LTBP1: variants seen among roughly 807,000 people sequenced by gnomAD.
LTBP1 encodes latent-transforming growth factor beta-binding protein 1.
LTBP1 carries 129 observed loss-of-function variants against 207.6 expected under a neutral mutation model. The observed-to-expected ratio is 0.62, with a 90% CI of 0.54 to 0.72. LTBP1 has a LOEUF of 0.72. Among genes scored for constraint, LTBP1 ranks in the 30% least tolerant of loss-of-function variants. The probability of loss-of-function intolerance (pLI) is 0.00; values close to 1 mark genes in which losing one functional copy is unlikely to be tolerated. For missense variants in LTBP1, 2,281 were observed against 2,217.2 expected (o/e 1.03, Z -0.58); for synonymous variants, 963 against 833.7 (o/e 1.16, Z -2.67).
chr2:33,019,328 C>CTT (rs58570641), intron 2 of LTBP1, among the ~76,000 whole-genome samples: 4,894 of 87,698 alleles, frequency 0.056, 619 homozygotes, highest in East Asian at 0.17. Context: ...ATGTACACTT[C>CTT]TTTTTTTTTT....
chr2:33,319,049 A>G (rs949731436), intron 24 of LTBP1, among the ~76,000 whole-genome samples: 1 of 152,138 alleles, frequency 6.6e-6, no homozygotes, highest in African/African-American at 2.4e-5. Flanking sequence ...GCAGTGAGCT[A>G]TGGTTGCACC....
At chr2:33,218,607 G>A (rs2090890003) in intron 8 of LTBP1, among the ~76,000 whole-genome samples, 1 of 152,148 alleles carries the variant, frequency 6.6e-6, no homozygotes, top group Non-Finnish European at 1.5e-5. Context: ...ATGTTGGCCA[G>A]GCTGGTCTCC....
intron 3 of LTBP1, among the ~76,000 whole-genome samples, chr2:33,069,913 T>C (rs1255138791): frequency 1.3e-5 from 2 of 152,332 alleles, no homozygotes; most frequent in Non-Finnish European, 2.9e-5. Flanking sequence ...CTGTGGGTAC[T>C]TGGTCTGTTG....
intron 24 of LTBP1, among the ~76,000 whole-genome samples, chr2:33,323,069 C>T (rs571224522): frequency 5.3e-4 from 81 of 152,168 alleles, no homozygotes; most frequent in African/African-American, 1.9e-3. Flanking sequence ...AGGGTTATGT[C>T]CTCATAAATG....
chr2:33,299,757 C>T (rs55782411), intron 20 of LTBP1, among the ~76,000 whole-genome samples: 1 of 152,200 alleles, frequency 6.6e-6, no homozygotes, highest in East Asian at 1.9e-4. Flanking sequence ...TGAAGCCAGT[C>T]CTTTGCTTCA....
intron 24 of LTBP1, among the ~76,000 whole-genome samples, chr2:33,332,161 T>C (rs2094501089): frequency 6.6e-6 from 1 of 152,078 alleles, no homozygotes; most frequent in Admixed American, 6.5e-5. Flanking sequence ...TATATATTTA[T>C]ACACAAGCAA....
At chr2:32,965,265 A>G (rs1156955038) in intron 2 of LTBP1, among the ~76,000 whole-genome samples, 1 of 152,156 alleles carries the variant, frequency 6.6e-6, no homozygotes, top group Non-Finnish European at 1.5e-5. Context: ...CTTTGACCCC[A>G]CATACACACA....
chr2:33,305,200 T>C (rs575034739), intron 22 of LTBP1, among the ~76,000 whole-genome samples: 4 of 152,162 alleles, frequency 2.6e-5, no homozygotes, highest in African/African-American at 9.6e-5. Context: ...GGCGTGTGCC[T>C]GTAGTCCCAA....
chr2:33,296,823 T>G (rs1196131682), intron 20 of LTBP1, among the ~76,000 whole-genome samples: 1 of 152,180 alleles, frequency 6.6e-6, no homozygotes, highest in Non-Finnish European at 1.5e-5. Context: ...CTTACTTCAC[T>G]AAGCCTTACT....
chr2:33,135,058 A>G, intron 5 of LTBP1, 98 bp downstream of exon 5: 1 of 1,246,314 alleles, frequency 8.0e-7, no homozygotes, highest in Non-Finnish European at 1.1e-6. Context: ...TGTCTGCTTC[A>G]ATGGGTGTCT....
intron 24 of LTBP1, among the ~76,000 whole-genome samples, chr2:33,324,349 C>G (rs1165453125): frequency 6.6e-6 from 1 of 151,278 alleles, no homozygotes; most frequent in Non-Finnish European, 1.5e-5. Flanking sequence ...TCTTACTGTG[C>G]CTAATTTATA....
intron 4 of LTBP1, among the ~76,000 whole-genome samples, chr2:33,128,646 A>G (rs937638249): frequency 2.6e-5 from 4 of 152,194 alleles, no homozygotes; most frequent in African/African-American, 9.7e-5. Flanking sequence ...TTGAACTGTG[A>G]TGCCCTTCAC....
At chr2:33,331,140 C>G (rs1264918634) in intron 24 of LTBP1, among the ~76,000 whole-genome samples, 1 of 151,606 alleles carries the variant, frequency 6.6e-6, no homozygotes, top group Non-Finnish European at 1.5e-5. Context: ...CGCTCTTGAT[C>G]AGTTTTCCTA....
chr2:33,137,039 T>A (rs560754631), intron 5 of LTBP1, among the ~76,000 whole-genome samples: 1 of 152,310 alleles, frequency 6.6e-6, no homozygotes, highest in African/African-American at 2.4e-5. Flanking sequence ...CTGTTTAACG[T>A]TTTATTTCAA....
intron 3 of LTBP1, among the ~76,000 whole-genome samples, chr2:33,080,949 C>T (rs1265403804): frequency 6.6e-6 from 1 of 152,048 alleles, no homozygotes; most frequent in Non-Finnish European, 1.5e-5. Flanking sequence ...AAGAGAAAAG[C>T]GTATAGATTT....
chr2:33,347,517 C>G lies in LTBP1; in HGVS notation c.4000+7C>G. The G allele has an allele frequency of 1.2e-6, 2 of 1,613,946 alleles. No homozygotes were observed. The highest frequency in any genetic ancestry group is 2.2e-5 in the East Asian group (1 of 44,882). On this transcript the variant is annotated splice_region_variant and intron_variant, in intron 26 of 33. Transcript: ENST00000404816. ...CGCTCCCGGACCTCCACAGGTAAGT[C>G]CCAGTGACACTGTGCAAGGGAATGA...
chr2:33,375,199 T>C (rs76356353), intron 31 of LTBP1, among the ~76,000 whole-genome samples: 3,902 of 152,284 alleles, frequency 0.026, 60 homozygotes, highest in South Asian at 0.05. Context: ...TTAAATGTGA[T>C]AATGCATGGG....
chr2:33,187,127 C>A (rs1181648739), intron 6 of LTBP1, 47 bp downstream of exon 6: 1 of 1,536,798 alleles, frequency 6.5e-7, no homozygotes, highest in Non-Finnish European at 9.0e-7. Context: ...TGTTAACCTG[C>A]CAAACCCACA....
chr2:33,200,993 A>G (rs1558803297), intron 7 of LTBP1, among the ~76,000 whole-genome samples: 1 of 152,212 alleles, frequency 6.6e-6, no homozygotes, highest in Non-Finnish European at 1.5e-5. Flanking sequence ...GCTGGAGAGG[A>G]TGTGGAGAAT....
Sources: allele counts gnomAD v4.1 joint callset (sites outside exome capture counted in the v4.1 genomes callset), GRCh38; gene constraint gnomAD v4.1.1; transcripts MANE v1.5; gene names NCBI Gene and HGNC (gene_info 2026-07-23, HGNC 2026-07-21).